The following HINT1 variants were observed in gnomAD, a reference collection of about 807,000 sequenced individuals.
HINT1 encodes the protein histidine triad nucleotide binding protein 1, also known as adenosine 5'-monophosphoramidase HINT1.
HINT1 carries 12 observed loss-of-function variants against 11.2 expected under a neutral mutation model. That is an observed-to-expected ratio of 1.07 (90% confidence interval 0.69 to 1.74). The LOEUF is 1.74. Ranked by LOEUF, HINT1 falls within the 40% of genes most tolerant of loss-of-function variation. HINT1 has a pLI of 0.00. For missense variants in HINT1, 150 were observed against 161.8 expected (o/e 0.93, Z 0.40); for synonymous variants, 42 against 52.6 (o/e 0.80, Z 0.87).
In HINT1 at chr5:131,165,242, C is replaced by T. The variant is rs1327702523; in HGVS notation, c.-37G>A. The T allele has an allele frequency of 6.3e-7, 1 of 1,593,798 alleles. No homozygotes were observed. The highest frequency in any genetic ancestry group is 2.2e-5 in the East Asian group (1 of 44,692). ...TCCCGCGCGGCGGCCAGAGGAGAGG[C>T]TCGGAAGAAGGGAGGAACCCGCAGA... On this transcript the variant is annotated 5_prime_UTR_variant, in exon 1 of 3. Transcript: ENST00000304043.
At position 131,164,567 on chromosome 5, in the gene HINT1, G is replaced by C. The variant is rs146017264; in HGVS notation, c.111+528C>G. Among the ~76,000 whole-genome samples, 895 of 152,318 alleles carry C rather than the reference G, an allele frequency of 5.9e-3. 9 individuals carry two copies. The highest frequency in any genetic ancestry group is 0.021 in the African/African-American group (866 of 41,568). ...GCGGAGGAAGCCGGCAGGCCCAGACGGCCCGCGCACCTCCCAGCGCCCCTG... is the reference window on the plus strand; with the variant it reads ...GCGGAGGAAGCCGGCAGGCCCAGACCGCCCGCGCACCTCCCAGCGCCCCTG... On this transcript the variant is annotated intron_variant, in intron 1 of 2. Coordinates refer to ENST00000304043, the MANE Select transcript of HINT1 (RefSeq NM_005340.7).
intron 1 of HINT1, among the ~76,000 whole-genome samples, chr5:131,164,433 C>G (rs553705381): frequency 6.6e-6 from 1 of 152,340 alleles, no homozygotes; most frequent in East Asian, 1.9e-4. Flanking sequence ...AAAGCAAATC[C>G]CAGACGCGGG....
intron 1 of HINT1, among the ~76,000 whole-genome samples, chr5:131,164,116 A>T (rs901845576): frequency 6.6e-6 from 1 of 152,188 alleles, no homozygotes; most frequent in Admixed American, 6.5e-5. Context: ...TCTAACCGAC[A>T]TTAGTAGAAT....
Position 131,159,615 on chromosome 5 carries a change from G to A in HINT1, c.217-4C>T. The stretch of plus-strand genomic sequence containing the variant: ...CAATCATTAAGTGTCCAAGAAGCTG[G>A]AAAAGGAAAAAAAGTTTCTTAGGCA... On this transcript the variant is annotated splice_polypyrimidine_tract_variant and splice_region_variant and intron_variant, in intron 2 of 2. Coordinates refer to ENST00000304043, the MANE Select transcript of HINT1 (RefSeq NM_005340.7). 6.3e-7 allele frequency: 1 copy of A among 1,599,848 alleles called. No individual in the cohort carries two copies.
rs374616823 is a variant in HINT1 at position 131,159,442 on chromosome 5, C to T, written c.*5G>A. The T allele has an allele frequency of 7.0e-5, 113 of 1,608,970 alleles. No homozygotes were observed. Among genetic ancestry groups the T allele is most frequent in the Non-Finnish European group, 9.0e-5 (106 of 1,178,644 alleles). ...AAAGAAGAGAAAATTATCCCCAAAACGTGCTTAACCAGGAGGCCAATGCAT... is the reference window on the plus strand; with the variant it reads ...AAAGAAGAGAAAATTATCCCCAAAATGTGCTTAACCAGGAGGCCAATGCAT... On this transcript the variant is annotated 3_prime_UTR_variant, in exon 3 of 3. Transcript: ENST00000304043.
In HINT1 at chr5:131,165,155, C is replaced by G; in HGVS notation, c.51G>C (p.Thr17=). The G allele has an allele frequency of 6.2e-7, 1 of 1,612,088 alleles. No individual in the cohort carries two copies. The highest frequency in any genetic ancestry group is 8.5e-7 in the Non-Finnish European group (1 of 1,179,928). Residue 17 remains threonine (T), a synonymous_variant, in exon 1 of 3, where the codon ACG becomes ACC. Coordinates refer to ENST00000304043, the MANE Select transcript of HINT1 (RefSeq NM_005340.7). The stretch of plus-strand genomic sequence containing the variant: ...CCTTGCGGATGATCTTCCCAAAGAT[C>G]GTGTCGCCACCAGGCCGAGCGACCT... ...KAQVARPGGD[T]IFGKIIRKEI...
intron 2 of HINT1, chr5:131,160,573 G>T: frequency 2.6e-6 from 1 of 380,202 alleles, no homozygotes; most frequent in Non-Finnish European, 3.7e-6. Context: ...TAATTCCTTT[G>T]GCAAGAAAAG....
In HINT1 at chr5:131,162,620, G is replaced by C; in HGVS notation, c.168C>G (p.Pro56=). The change falls in exon 2 of 3, where the codon CCC becomes CCG. Residue 56 remains proline (P), a synonymous_variant. Transcript: ENST00000304043. ...CAGAAATCTGGGATATATGTTTCTT[G>C]GGTATCACCAGAAAATGTGTTGGTG... ...PQAPTHFLVI[P]KKHISQISVA... 6.2e-7 allele frequency: 1 copy of C among 1,613,488 alleles called. No individual in the cohort carries two copies. The highest frequency in any genetic ancestry group is 8.5e-7 in the Non-Finnish European group (1 of 1,179,500).
chr5:131,162,193 G>T (rs1043239209), intron 2 of HINT1: 7 of 519,200 alleles, frequency 1.3e-5, no homozygotes, highest in Non-Finnish European at 2.4e-5. Context: ...CCTTGGTGGC[G>T]GGCGCCTGTT....
rs1312488902 is a variant in HINT1, at chr5:131,159,422, A to G, written c.*25T>C. On this transcript the variant is annotated 3_prime_UTR_variant, in exon 3 of 3. Coordinates refer to ENST00000304043, the MANE Select transcript of HINT1 (RefSeq NM_005340.7). ...GCCTAACTTAATCATTGCCTAAAGA[A>G]GAGAAAATTATCCCCAAAACGTGCT... The G allele has an allele frequency of 3.1e-6, 5 of 1,605,982 alleles. No individual in the cohort carries two copies. In the Admixed American group the frequency reaches 5.1e-5, roughly 16 times the overall value.
At chr5:131,164,490 T>C (rs942295423) in intron 1 of HINT1, among the ~76,000 whole-genome samples, 2 of 152,138 alleles carry the variant, frequency 1.3e-5, no homozygotes, top group Admixed American at 6.5e-5. Context: ...AGGGTAGGCC[T>C]TGGGGTGGAG....
chr5:131,159,687 G>A, intron 2 of HINT1, 76 bp from the exon 3 acceptor site: 1 of 1,360,286 alleles, frequency 7.4e-7, no homozygotes, highest in South Asian at 1.3e-5. Flanking sequence ...CTGTCAAGCT[G>A]AAATATCAAA....
rs1755186772 is a variant in HINT1 at position 131,159,172 on chromosome 5, G to C, written c.*275C>G. 2 of 298,512 alleles carry C rather than the reference G, an allele frequency of 6.7e-6. No individual in the cohort carries two copies. The highest frequency in any genetic ancestry group is 1.3e-5 in the Non-Finnish European group (2 of 158,876). 18.5% of individuals were successfully genotyped at this position (298,512 alleles called of 1,614,324 possible). A position where few individuals can be genotyped will look rare whatever the true frequency, so the allele number is the denominator to read the frequency against. ...CATTAAAACAATGCGATGTTCATAT[G>C]TTGAGTCCTCCTTGGGAAGAAAAAG... On this transcript the variant is annotated 3_prime_UTR_variant, in exon 3 of 3. Coordinates refer to ENST00000304043, the MANE Select transcript of HINT1 (RefSeq NM_005340.7).
chr5:131,162,318 CAAA>C (rs58181774), intron 2 of HINT1: 1,350 of 575,164 alleles, frequency 2.3e-3, no homozygotes, highest in Non-Finnish European at 2.6e-3. Context: ...GACTCTGTCT[CAAA>C]AAAAAAAAAA....
intron 1 of HINT1, among the ~76,000 whole-genome samples, chr5:131,163,274 G>C (rs1755304053): frequency 6.6e-6 from 1 of 152,236 alleles, no homozygotes; most frequent in South Asian, 2.1e-4. Flanking sequence ...CTCTGAGGCA[G>C]TGACATTTAA....
chr5:131,162,904 C>T (rs943390073), intron 1 of HINT1, among the ~76,000 whole-genome samples: 10 of 151,870 alleles, frequency 6.6e-5, no homozygotes, highest in African/African-American at 9.7e-5. Flanking sequence ...ATGGCATGAT[C>T]TCAGCTCACT....
chr5:131,163,694 C>T (rs371352796), intron 1 of HINT1, among the ~76,000 whole-genome samples: 2 of 151,926 alleles, frequency 1.3e-5, no homozygotes, highest in Non-Finnish European at 2.9e-5. Flanking sequence ...ATATACCTAT[C>T]CTTTTGTGTA....
intron 1 of HINT1, 47 bp downstream of exon 1, chr5:131,165,048 G>A: frequency 1.2e-6 from 2 of 1,611,656 alleles, no homozygotes; most frequent in East Asian, 2.2e-5. Context: ...AGGATCCGCG[G>A]ACGATACCCA....
chr5:131,161,661 T>C (rs1218616342), intron 2 of HINT1, among the ~76,000 whole-genome samples: 1 of 152,152 alleles, frequency 6.6e-6, no homozygotes, highest in East Asian at 1.9e-4. Context: ...AAGACGGTAT[T>C]TTACCATTAA....
Sources: allele counts gnomAD v4.1 joint callset (sites outside exome capture counted in the v4.1 genomes callset), GRCh38; gene constraint gnomAD v4.1.1; transcripts MANE v1.5; gene names NCBI Gene and HGNC (gene_info 2026-07-23, HGNC 2026-07-21).